CAMSAP1: variants seen among roughly 807,000 people sequenced by gnomAD.
The protein encoded by CAMSAP1 is calmodulin regulated spectrin associated protein 1.
In CAMSAP1, 58 loss-of-function variants were observed where a neutral mutation model predicts 143.5. That is an observed-to-expected ratio of 0.40 (90% CI 0.33 to 0.50). The LOEUF is 0.50. Ranked by LOEUF, CAMSAP1 falls within the 20% of genes least tolerant of loss-of-function variation. The probability of loss-of-function intolerance (pLI) is 0.45; values close to 1 mark genes in which losing one functional copy is unlikely to be tolerated. For missense variants in CAMSAP1, 1,969 were observed against 2,115.7 expected (o/e 0.93, Z 1.36); for synonymous variants, 945 against 859.3 (o/e 1.10, Z -1.74).
chr9:135,889,750 G>A (rs763086281), intron 1 of CAMSAP1, among the ~76,000 whole-genome samples: 6 of 152,200 alleles, frequency 3.9e-5, no homozygotes, highest in African/African-American at 4.8e-5. Flanking sequence ...CTGAGAGGCC[G>A]TGGGAGCGCA....
At chr9:135,861,731 C>A (rs2130931192) in intron 5 of CAMSAP1, among the ~76,000 whole-genome samples, 1 of 152,338 alleles carries the variant, frequency 6.6e-6, no homozygotes, top group South Asian at 2.1e-4. Flanking sequence ...TGAAGTCTGA[C>A]ACAAATGTTT....
rs535755415 is a variant in CAMSAP1 at position 135,897,458 on chromosome 9, A to G, written c.160+9542T>C. On this transcript the variant is annotated intron_variant, in intron 1 of 16. Transcript: ENST00000389532. ...TGTGAACCACCACGCCTGGCCCTCA[A>G]AACAACTTACTGTACTATACTCACA... is the stretch of plus-strand genomic sequence containing the variant. 5.3e-5 allele frequency among the ~76,000 whole-genome samples: 8 copies of G among 152,262 alleles called. No homozygotes were observed. The South Asian group carries it at 8.3e-4, about 16-fold the overall frequency.
At chr9:135,867,809 T>C (rs1837432131) in intron 3 of CAMSAP1, among the ~76,000 whole-genome samples, 2 of 152,230 alleles carry the variant, frequency 1.3e-5, no homozygotes, top group African/African-American at 4.8e-5. Context: ...AGGGGAACCC[T>C]GTAAGCAAGG....
intron 7 of CAMSAP1, among the ~76,000 whole-genome samples, chr9:135,833,651 A>G (rs1055703611): frequency 2.0e-5 from 3 of 152,124 alleles, no homozygotes; most frequent in Non-Finnish European, 2.9e-5. Flanking sequence ...CACCATATAC[A>G]AAAATCAACT....
chr9:135,832,727 T>C (rs771591009), intron 7 of CAMSAP1, among the ~76,000 whole-genome samples: 7 of 151,956 alleles, frequency 4.6e-5, no homozygotes, highest in South Asian at 2.1e-4. Flanking sequence ...AACTGTAGCA[T>C]TTCTATACAC....
At chr9:135,849,389 G>A (rs1836690931) in intron 7 of CAMSAP1, among the ~76,000 whole-genome samples, 1 of 152,212 alleles carries the variant, frequency 6.6e-6, no homozygotes, top group African/African-American at 2.4e-5. Context: ...AGCATTGCAA[G>A]CTGCAGGCCG....
chr9:135,888,127 G>A (rs1214866987), intron 1 of CAMSAP1, among the ~76,000 whole-genome samples: 2 of 152,196 alleles, frequency 1.3e-5, no homozygotes, highest in African/African-American at 2.4e-5. Context: ...GTCCCAGCTT[G>A]GCCTCTTACT....
chr9:135,851,138 G>A (rs143730420), intron 5 of CAMSAP1, among the ~76,000 whole-genome samples: 1,710 of 152,296 alleles, frequency 0.011, 26 homozygotes, highest in African/African-American at 0.039. Context: ...GGTGTGGAGT[G>A]GGGGGTGGCC....
intron 1 of CAMSAP1, among the ~76,000 whole-genome samples, chr9:135,888,900 C>T (rs1026979017): frequency 6.6e-6 from 1 of 152,160 alleles, no homozygotes; most frequent in Non-Finnish European, 1.5e-5. Flanking sequence ...GACAGCGGAG[C>T]GCCAGGTGCA....
At chr9:135,849,873 T>G (rs1487888836) in intron 7 of CAMSAP1, 1 of 323,334 alleles carries the variant, frequency 3.1e-6, no homozygotes, top group Non-Finnish European at 5.7e-6. Context: ...TTTTTTCAGT[T>G]TGTTCATTCT....
chr9:135,873,008 G>A (rs1588492707), intron 3 of CAMSAP1, among the ~76,000 whole-genome samples: 3 of 152,156 alleles, frequency 2.0e-5, no homozygotes, highest in Non-Finnish European at 4.4e-5. Flanking sequence ...TGACACTGAA[G>A]ACACTCTACC....
chr9:135,863,793 G>A (rs1008405521), intron 4 of CAMSAP1, among the ~76,000 whole-genome samples: 8 of 152,246 alleles, frequency 5.3e-5, no homozygotes, highest in Non-Finnish European at 1.2e-4. Context: ...TGTACCACGC[G>A]TGCAAACTCC....
chr9:135,864,628 C>T (rs144517612), intron 4 of CAMSAP1, among the ~76,000 whole-genome samples: 38 of 152,328 alleles, frequency 2.5e-4, no homozygotes, highest in Non-Finnish European at 4.9e-4. Flanking sequence ...ACTGGCTCCG[C>T]TTCCAGAATG....
chr9:135,896,251 G>A (rs754354164), intron 1 of CAMSAP1, among the ~76,000 whole-genome samples: 1 of 152,118 alleles, frequency 6.6e-6, no homozygotes, highest in East Asian at 1.9e-4. Flanking sequence ...TTTAAAAAAA[G>A]CAGAACTACA....
rs373798578 is a variant in CAMSAP1 at position 135,821,043 on chromosome 9, C to T, written c.3618G>A (p.Lys1206=). Residue 1206 remains lysine (K), a synonymous_variant, in exon 11 of 17, where the codon AAG becomes AAA. Transcript: ENST00000389532. This position sits in a 1 kb window ranked among gnomAD's most constrained non-coding sequence, Gnocchi z 4.6. ...CATCTGAGGAGCTGGACCCCACCTC[C>T]TTCACACTCGCATCCAGAACTTCTT... The part of the protein sequence containing the change: ...SLKEVLDASV[K]EVGSSSSDVS... 5.6e-6 allele frequency: 9 copies of T among 1,613,876 alleles called. No individual in the cohort carries two copies. Among genetic ancestry groups the T allele is most frequent in the Middle Eastern group, 1.6e-4 (1 of 6,084 alleles).
chr9:135,837,707 C>T (rs1036805884), intron 7 of CAMSAP1, among the ~76,000 whole-genome samples: 7 of 146,806 alleles, frequency 4.8e-5, no homozygotes, highest in Admixed American at 2.0e-4. Context: ...CACGTCACCA[C>T]GCACGTTCTA....
Position 135,809,471 on chromosome 9 carries a change from ACTTCGATAGGG to A in CAMSAP1, c.*1827_*1837del, listed in dbSNP as rs1434693346. ...CATTAAAAAGAATCCAATTCCACTG[ACTTCGATAGGG>A]CCATGGTAAAGAACAATGTGAAACT... is the stretch of plus-strand genomic sequence containing the variant. On this transcript the variant is annotated 3_prime_UTR_variant, in exon 17 of 17. Transcript: ENST00000389532. 4 of 152,420 alleles carry A rather than the reference ACTTCGATAGGG, an allele frequency of 2.6e-5. No individual in the cohort carries two copies. In the East Asian group the frequency reaches 7.7e-4, roughly 29 times the overall value. The allele number at this position is 152,420 out of a possible 1,614,324, so 9.4% of individuals were successfully genotyped here. A position where few individuals can be genotyped will look rare whatever the true frequency, so the allele number is the denominator to read the frequency against.
At chr9:135,854,538 T>C (rs1182409339) in intron 5 of CAMSAP1, among the ~76,000 whole-genome samples, 3 of 151,874 alleles carry the variant, frequency 2.0e-5, no homozygotes, top group Admixed American at 6.6e-5. Context: ...TCACAGCTCA[T>C]TGTGGCCTCA....
rs1564467611 is a variant in CAMSAP1 at position 135,907,239 on chromosome 9, C to G, written c.-80G>C. 1.1e-6 allele frequency: 1 copy of G among 919,632 alleles called. No homozygotes were observed. The highest frequency in any genetic ancestry group is 1.3e-6 in the Non-Finnish European group (1 of 764,818). The allele number at this position is 919,632 out of a possible 1,614,324, so 57.0% of individuals were successfully genotyped here. Reference sequence around the variant, plus strand: ...CTCGCCGCGCCGGGCCCGGTGCGCCCCGAGCCACCACTCGGCCCCGCAGCC... The same window carrying G: ...CTCGCCGCGCCGGGCCCGGTGCGCCGCGAGCCACCACTCGGCCCCGCAGCC... On this transcript the variant is annotated 5_prime_UTR_variant, in exon 1 of 17. Coordinates refer to ENST00000389532, the MANE Select transcript of CAMSAP1 (RefSeq NM_015447.4).
Sources: allele counts gnomAD v4.1 joint callset (sites outside exome capture counted in the v4.1 genomes callset), GRCh38; gene constraint gnomAD v4.1.1; non-coding constraint Gnocchi (gnomAD v3.1); transcripts MANE v1.5; gene names NCBI Gene and HGNC (gene_info 2026-07-23, HGNC 2026-07-21).